The following BCAN variants were observed in gnomAD, a reference collection of about 807,000 sequenced individuals.
BCAN encodes the protein brevican, also known as brevican core protein.
A neutral mutation model predicts 92.4 loss-of-function variants in BCAN; 51 were observed. The ratio of observed to expected loss-of-function variants is 0.55; its 90% confidence interval spans 0.44 to 0.70. The LOEUF is 0.70. Ranked by LOEUF, BCAN falls within the 30% of genes least tolerant of loss-of-function variation. The probability of loss-of-function intolerance (pLI) is 0.00; values close to 1 mark genes in which losing one functional copy is unlikely to be tolerated. For missense variants in BCAN, 1,140 were observed against 1,212.1 expected (o/e 0.94, Z 0.88); for synonymous variants, 501 against 505.2 (o/e 0.99, Z 0.11).
In BCAN at chr1:156,647,063, C is replaced by G. The variant is rs1240710314; in HGVS notation, c.354C>G (p.Thr118=). ...VALPAYPASL[T]DVSLALSELR... ...TGCCTGCGTACCCAGCGTCGCTCACCGACGTCTCCCTGGCGCTGAGCGAGC... is the reference window on the plus strand; with the variant it reads ...TGCCTGCGTACCCAGCGTCGCTCACGGACGTCTCCCTGGCGCTGAGCGAGC... Residue 118 remains threonine (T), a synonymous_variant, in exon 3 of 14, where the codon ACC becomes ACG. Coordinates refer to ENST00000329117, the MANE Select transcript of BCAN (RefSeq NM_021948.5). This position sits in a 1 kb window ranked among gnomAD's most constrained non-coding sequence, Gnocchi z 4.8. 6.2e-7 allele frequency: 1 copy of G among 1,611,320 alleles called. No homozygotes were observed. Among genetic ancestry groups the G allele is most frequent in the Non-Finnish European group, 8.5e-7 (1 of 1,178,140 alleles).
rs1034562143 is a variant in BCAN, at chr1:156,642,628, G to C, written c.-9+353G>C. ...TCCCAGGCAGGGCGGTAGCGTTCCG[G>C]ATCAGTCCTTGCCTCCGTGCCCCCA... is the stretch of plus-strand genomic sequence containing the variant. On this transcript the variant is annotated intron_variant, in intron 1 of 13. Transcript: ENST00000329117. This position sits in a 1 kb window ranked among gnomAD's most constrained non-coding sequence, Gnocchi z 4.2. 3 of 152,558 alleles carry C rather than the reference G, an allele frequency of 2.0e-5. No individual in the cohort carries two copies. The highest frequency in any genetic ancestry group is 6.5e-5 in the Admixed American group (1 of 15,302). 9.5% of individuals were successfully genotyped at this position (152,558 alleles called of 1,614,324 possible). A position where few individuals can be genotyped will look rare whatever the true frequency, so the allele number is the denominator to read the frequency against.
At chr1:156,657,431 G>A (rs1679373059) in intron 10 of BCAN, 1 of 552,144 alleles carries the variant, frequency 1.8e-6, no homozygotes, top group Non-Finnish European at 3.2e-6. Flanking sequence ...CTTGTTGAAA[G>A]TTTTGACTCT....
chr1:156,648,466 C>A, intron 5 of BCAN, 102 bp from the exon 6 acceptor site: 1 of 1,261,560 alleles, frequency 7.9e-7, no homozygotes, highest in Non-Finnish European at 1.1e-6. Flanking sequence ...CTCCCTGCCA[C>A]AGATGAGGGA....
intron 8 of BCAN, among the ~76,000 whole-genome samples, chr1:156,656,015 C>G (rs567259511): frequency 6.6e-6 from 1 of 152,312 alleles, no homozygotes; most frequent in South Asian, 2.1e-4. Flanking sequence ...TCTCCCCAGC[C>G]CCTTTTGGGC....
At chr1:156,651,840 C>T (rs2102564607) in intron 7 of BCAN, 151 bp downstream of exon 7, 3 of 714,392 alleles carry the variant, frequency 4.2e-6, no homozygotes, top group South Asian at 1.9e-5. Context: ...TTTCCTGTCC[C>T]TCTCCCAACC....
At position 156,658,464 on chromosome 1, in the gene BCAN, AT is replaced by A; in HGVS notation, c.2438-74del. ...ATCTTTTTTTGTCATGTTGTGGCCC[AT>A]TTTTCTCTTCCCCATGGAGATTCTG... On this transcript the variant is annotated intron_variant, in intron 12 of 13. Coordinates refer to ENST00000329117, the MANE Select transcript of BCAN (RefSeq NM_021948.5). This position sits in a 1 kb window ranked among gnomAD's most constrained non-coding sequence, Gnocchi z 4.4. The A allele has an allele frequency of 6.5e-7, 1 of 1,534,658 alleles. No individual in the cohort carries two copies. The highest frequency in any genetic ancestry group is 8.8e-7 in the Non-Finnish European group (1 of 1,136,414).
At position 156,658,988 on chromosome 1, in the gene BCAN, G is replaced by A; in HGVS notation, c.2629-39G>A. The A allele has an allele frequency of 1.3e-6, 2 of 1,531,502 alleles. No homozygotes were observed. Among genetic ancestry groups the A allele is most frequent in the East Asian group, 2.3e-5 (1 of 43,266 alleles). 94.9% of individuals were successfully genotyped at this position (1,531,502 alleles called of 1,614,324 possible). Reference sequence around the variant, plus strand: ...GGGCAGGCTCTGAGGAGAGGAGAAGGAAGAGCCAGGGTGGAGGGTGAGTGT... The same window carrying A: ...GGGCAGGCTCTGAGGAGAGGAGAAGAAAGAGCCAGGGTGGAGGGTGAGTGT... On this transcript the variant is annotated intron_variant, in intron 13 of 13. Coordinates refer to ENST00000329117, the MANE Select transcript of BCAN (RefSeq NM_021948.5). This position sits in a 1 kb window ranked among gnomAD's most constrained non-coding sequence, Gnocchi z 4.4.
Position 156,651,636 on chromosome 1 carries a change from G to A in BCAN, c.1244G>A (p.Gly415Glu). The A allele has an allele frequency of 6.2e-7, 1 of 1,613,776 alleles. No individual in the cohort carries two copies. Among genetic ancestry groups the A allele is most frequent in the Non-Finnish European group, 8.5e-7 (1 of 1,180,028 alleles). The change falls in exon 7 of 14, where the codon GGA (glycine) becomes GAA (glutamate). Residue 415 changes from glycine (G) to glutamate (E), a missense_variant. By Grantham distance (98) the Gly-to-Glu change is moderately conservative (BLOSUM62 -2). Coordinates refer to ENST00000329117, the MANE Select transcript of BCAN (RefSeq NM_021948.5). ...IYSIPIMEDG[G>E]GGSSTPEDPA... ...TCCATCCCCATCATGGAGGACGGAG[G>A]AGGTGGAAGCTCCACTCCAGAAGAC...
chr1:156,646,690 C>T (rs1678982946), intron 2 of BCAN, 111 bp from the exon 3 acceptor site: 1 of 1,460,534 alleles, frequency 6.8e-7, no homozygotes, highest in South Asian at 1.4e-5. Flanking sequence ...CTAGGGGGGC[C>T]GGGGAATCCT....
In BCAN at chr1:156,658,153, G is replaced by A; in HGVS notation, c.2319G>A (p.Gln773=). The A allele has an allele frequency of 1.2e-6, 2 of 1,614,096 alleles. No individual in the cohort carries two copies. The highest frequency in any genetic ancestry group is 1.7e-5 in the Admixed American group (1 of 60,010). ...PLLYENWNPG[Q]PDSYFLSGEN... is the part of the protein sequence containing the mutation. ...TCTATGAGAACTGGAACCCTGGGCA[G>A]CCTGACAGCTACTTCCTGTCTGGAG... The change falls in exon 12 of 14, where the codon CAG becomes CAA. Residue 773 remains glutamine, a synonymous_variant. Transcript: ENST00000329117. The surrounding 1 kb of genome is among the most constrained non-coding windows in gnomAD (Gnocchi z 4.4).
In BCAN at chr1:156,646,957, C is replaced by G; in HGVS notation, c.248C>G (p.Ser83Cys). 6.2e-7 allele frequency: 1 copy of G among 1,612,894 alleles called. No individual in the cohort carries two copies. Among genetic ancestry groups the G allele is most frequent in the South Asian group, 1.1e-5 (1 of 91,018 alleles). ...CCGCGGGTCAAGTGGACTTTCCTGT[C>G]CCGGGGCCGGGAGGCAGAGGTGCTG... is the stretch of plus-strand genomic sequence containing the variant. Reference protein sequence around the residue: ...GSPRVKWTFLSRGREAEVLVA... With the variant: ...GSPRVKWTFLCRGREAEVLVA... The change falls in exon 3 of 14, where the codon TCC becomes TGC. Residue 83 changes from serine to cysteine, a missense_variant. Ser to Cys is a moderately radical substitution (Grantham distance 112, BLOSUM62 -1). Around this residue, in one of 3 missense-constraint regions of BCAN, gnomAD observed 286 missense variants for 284.1 expected, o/e 1.01. Transcript: ENST00000329117.
At position 156,659,064 on chromosome 1, in the gene BCAN, G is replaced by A. The variant is rs765927803; in HGVS notation, c.2666G>A (p.Arg889His). Residue 889 changes from arginine (R) to histidine (H), a missense_variant, in exon 14 of 14, where the codon CGT (arginine) becomes CAT (histidine). By Grantham distance (29) the Arg-to-His change is conservative. Coordinates refer to ENST00000329117, the MANE Select transcript of BCAN (RefSeq NM_021948.5). ...ALHPEEDPEG[R>H]QGRLLGRWKA... is the part of the protein sequence containing the mutation. ...CACCCAGAGGAGGACCCAGAAGGAC[G>A]TCAGGGGAGGCTACTGGGACGCTGG... 7.5e-6 allele frequency: 12 copies of A among 1,601,850 alleles called. No homozygotes were observed. Among genetic ancestry groups the A allele is most frequent in the South Asian group, 5.7e-5 (5 of 88,164 alleles).
chr1:156,651,758 G>A (rs1679173428), intron 7 of BCAN, 69 bp downstream of exon 7: 1 of 1,378,766 alleles, frequency 7.3e-7, no homozygotes, highest in Non-Finnish European at 1.0e-6. Flanking sequence ...GGCAAGCCCA[G>A]GTTGATGCTA....
Position 156,651,489 on chromosome 1 carries a change from CCAACCCAGCCTCCAACCCAGCCTCTGAT to C in BCAN, c.1098_1125del (p.Asn367AspfsTer2). The C allele has an allele frequency of 6.2e-7, 1 of 1,613,604 alleles. No homozygotes were observed. The highest frequency in any genetic ancestry group is 2.2e-5 in the East Asian group (1 of 44,882). ...CAGCCTTCTGCCATCCCTGAGGCCT[CCAACCCAGCCTCCAACCCAGCCTCTGAT>C]GGACTAGAGGCTATCGTCACAGTGA... On this transcript the variant is annotated frameshift_variant, in exon 7 of 14. Transcript: ENST00000329117. LOFTEE classifies it high-confidence loss of function.
chr1:156,647,696 G>A lies in BCAN; in HGVS notation c.641+14G>A, dbSNP rs199953028. On this transcript the variant is annotated intron_variant, in intron 4 of 13. Transcript: ENST00000329117. The surrounding 1 kb of genome is among the most constrained non-coding windows in gnomAD (Gnocchi z 4.8). The stretch of plus-strand genomic sequence containing the variant: ...TCAGACCGTGAGGTGGGCAGGGGCT[G>A]TGGATTGGGGCTTCTATTGGCCCCT... 1.3e-6 allele frequency: 2 copies of A among 1,570,518 alleles called. No individual in the cohort carries two copies. Among genetic ancestry groups the A allele is most frequent in the Middle Eastern group, 1.7e-4 (1 of 5,754 alleles).
rs1222490066 is a variant in BCAN, at chr1:156,659,115, G to A, written c.2717G>A (p.Ser906Asn). The change falls in exon 14 of 14, where the codon AGC (serine) becomes AAC (asparagine). Residue 906 changes from serine to asparagine, a missense_variant. By Grantham distance (46) the Ser-to-Asn change is conservative. Coordinates refer to ENST00000329117, the MANE Select transcript of BCAN (RefSeq NM_021948.5). ...AAGGCGCTGTTGATCCCCCCTTCCAGCCCCATGCCAGGTCCCTAGGGGGCA... is the reference window on the plus strand; with the variant it reads ...AAGGCGCTGTTGATCCCCCCTTCCAACCCCATGCCAGGTCCCTAGGGGGCA... The part of the protein sequence containing the change: ...RWKALLIPPS[S>N]PMPGP The A allele has an allele frequency of 3.8e-6, 6 of 1,582,166 alleles. No individual in the cohort carries two copies. Among genetic ancestry groups the A allele is most frequent in the Admixed American group, 1.9e-5 (1 of 53,012 alleles).
intron 7 of BCAN, 126 bp downstream of exon 7, chr1:156,651,815 G>T: frequency 1.2e-6 from 1 of 859,012 alleles, no homozygotes; most frequent in Non-Finnish European, 1.8e-6. Flanking sequence ...CAGTAGCTCA[G>T]GGGTGCAGGG....
At position 156,659,013 on chromosome 1, in the gene BCAN, T is replaced by C; in HGVS notation, c.2629-14T>C. ...GAAGAGCCAGGGTGGAGGGTGAGTG[T>C]GTGTCTTCCCCAGGCCCGAGCTCTG... On this transcript the variant is annotated splice_polypyrimidine_tract_variant and intron_variant, in intron 13 of 13. Transcript: ENST00000329117. 12 of 1,581,818 alleles carry C rather than the reference T, an allele frequency of 7.6e-6. No homozygotes were observed. The highest frequency in any genetic ancestry group is 1.0e-5 in the Non-Finnish European group (12 of 1,164,342).
intron 2 of BCAN, chr1:156,646,435 A>G (rs1320757593): frequency 6.1e-6 from 3 of 493,688 alleles, no homozygotes; most frequent in African/African-American, 3.8e-5. Flanking sequence ...ACCCTGAAGG[A>G]GGCCCTAAAG....
Sources: gnomAD v4.1 joint callset for allele counts (sites outside exome capture counted in the v4.1 genomes callset) on GRCh38, gnomAD v4.1.1 for gene constraint, gnomAD v4.1.1 regional missense constraint, Gnocchi (gnomAD v3.1) non-coding constraint, MANE v1.5 for transcripts, NCBI Gene and HGNC (gene_info 2026-07-23, HGNC 2026-07-21) for gene names.